The following KCNIP4 variants were observed in gnomAD, a reference collection of about 807,000 sequenced individuals.
KCNIP4 encodes potassium voltage-gated channel interacting protein 4, also known as Kv channel-interacting protein 4.
Under a neutral mutation model 34.0 loss-of-function variants are expected in KCNIP4, and 12 were observed. That is an observed-to-expected ratio of 0.35 (90% CI 0.23 to 0.57). The LOEUF (loss-of-function observed/expected upper bound fraction) is 0.57. KCNIP4 is among the 20% of genes least tolerant of loss of function. The pLI is 0.83. For missense variants in KCNIP4, 238 were observed against 311.7 expected, an observed-to-expected ratio of 0.76 and a Z score of 1.78; for synonymous variants, 124 against 102.2, an observed-to-expected ratio of 1.21 and a Z score of -1.29.
At chr4:20,739,782 TAAC>T (rs1238425875) in intron 5 of KCNIP4, among the ~76,000 whole-genome samples, 4 of 151,994 alleles carry the variant, frequency 2.6e-5, no homozygotes, top group Non-Finnish European at 5.9e-5. Context: ...AGATCAGTAA[TAAC>T]AAACTTCTCC....
chr4:20,854,455 A>C (rs944063933), intron 2 of KCNIP4, among the ~76,000 whole-genome samples: 1 of 152,220 alleles, frequency 6.6e-6, no homozygotes, highest in Non-Finnish European at 1.5e-5. Context: ...ACGCAAAGGC[A>C]TAAGAATGAT....
chr4:21,319,276 G>T (rs145334395), intron 1 of KCNIP4, among the ~76,000 whole-genome samples: 2 of 152,172 alleles, frequency 1.3e-5, no homozygotes. Flanking sequence ...CAGGTACTTG[G>T]ACAAATCATG....
At chr4:21,356,746 G>A (rs903700214) in intron 1 of KCNIP4, among the ~76,000 whole-genome samples, 1 of 152,054 alleles carries the variant, frequency 6.6e-6, no homozygotes, top group African/African-American at 2.4e-5. Flanking sequence ...ACTGCCCAAG[G>A]TCATTTATAG....
chr4:21,120,100 G>A (rs1404403177), intron 1 of KCNIP4, among the ~76,000 whole-genome samples: 1 of 152,190 alleles, frequency 6.6e-6, no homozygotes, highest in Non-Finnish European at 1.5e-5. Context: ...CAACGTGGGG[G>A]AGGGTACTTG....
rs138871931 is a variant in KCNIP4, at chr4:21,634,860, A to AT, written c.61+313710dup. 8.2e-3 allele frequency among the ~76,000 whole-genome samples: 1,251 copies of AT among 152,296 alleles called. 19 individuals are homozygous for AT. The highest frequency in any genetic ancestry group is 0.029 in the African/African-American group (1,199 of 41,568). On this transcript the variant is annotated intron_variant, in intron 1 of 8. Coordinates refer to ENST00000382152, the MANE Select transcript of KCNIP4 (RefSeq NM_025221.6). ...TCACATTTCCCTTTAAAGAACTCAC[A>AT]TTTTATAGTCAATTAATAATCTCCA...
chr4:21,379,878 C>T (rs963348836), intron 1 of KCNIP4, among the ~76,000 whole-genome samples: 2 of 150,500 alleles, frequency 1.3e-5, no homozygotes, highest in Non-Finnish European at 3.0e-5. Context: ...CACCTGCCCA[C>T]CCCCATCACC....
intron 1 of KCNIP4, chr4:21,718,865 G>A (rs1474663165): frequency 2.6e-5 from 4 of 152,048 alleles, no homozygotes; most frequent in African/African-American, 4.8e-5. Flanking sequence ...GACCCTTCAC[G>A]GATCCTCAAG....
At chr4:21,103,896 C>T (rs1219489270) in intron 1 of KCNIP4, among the ~76,000 whole-genome samples, 3 of 151,756 alleles carry the variant, frequency 2.0e-5, no homozygotes, top group African/African-American at 7.3e-5. Flanking sequence ...CATCCATGTC[C>T]CTACGAAGGA....
At chr4:21,019,307 C>T (rs1332458656) in intron 1 of KCNIP4, among the ~76,000 whole-genome samples, 1 of 151,926 alleles carries the variant, frequency 6.6e-6, no homozygotes, top group Non-Finnish European at 1.5e-5. Flanking sequence ...AGGCGCATGC[C>T]ACCACGTCCG....
intron 1 of KCNIP4, chr4:21,316,422 A>G (rs1713765592): frequency 6.6e-6 from 1 of 152,208 alleles, no homozygotes; most frequent in Non-Finnish European, 1.5e-5. Flanking sequence ...CCAAAAGCAT[A>G]ACCCTGCAAC....
rs188744321 is a variant in KCNIP4, at chr4:21,892,667, G to A, written c.61+55904C>T. Reference sequence around the variant, plus strand: ...AACCTCTATAAGTCTTAATTAAGTTGTCTATAAAATAGATGCCAATCAAAA... The same window carrying A: ...AACCTCTATAAGTCTTAATTAAGTTATCTATAAAATAGATGCCAATCAAAA... On this transcript the variant is annotated intron_variant, in intron 1 of 8. Transcript: ENST00000382152. Among the ~76,000 whole-genome samples, 712 of 151,384 alleles carry A rather than the reference G, an allele frequency of 4.7e-3. 1 individual carries two copies. The highest frequency in any genetic ancestry group is 7.4e-3 in the Non-Finnish European group (500 of 67,890).
chr4:21,218,225 G>A lies in KCNIP4; in HGVS notation c.62-335516C>T, dbSNP rs186256447. ...AGACAGAGTTTCACCATGTTGGCCA[G>A]GTTGGTCTCGAACTCCTGACCTCAG... On this transcript the variant is annotated intron_variant, in intron 1 of 8. Coordinates refer to ENST00000382152, the MANE Select transcript of KCNIP4 (RefSeq NM_025221.6). Among the ~76,000 whole-genome samples, 663 of 151,850 alleles carry A rather than the reference G, an allele frequency of 4.4e-3. 3 individuals carry two copies. Among genetic ancestry groups the A allele is most frequent in the African/African-American group, 0.015 (628 of 41,426 alleles).
At chr4:20,953,603 G>A (rs1033919509) in intron 1 of KCNIP4, among the ~76,000 whole-genome samples, 1 of 152,104 alleles carries the variant, frequency 6.6e-6, no homozygotes. Flanking sequence ...GATTGGTTGA[G>A]CCCGGGAGGC....
At chr4:21,605,312 G>T (rs1159343742) in intron 1 of KCNIP4, among the ~76,000 whole-genome samples, 1 of 152,094 alleles carries the variant, frequency 6.6e-6, no homozygotes, top group Non-Finnish European at 1.5e-5. Context: ...AACTTTCCTT[G>T]GAGGCTATAG....
In KCNIP4 at chr4:21,008,476, GAATA is replaced by G. The variant is rs1738757866; in HGVS notation, c.62-125771_62-125768del. ...CAAAATTATTAATACTTATGGATTAGAATAAATGTGACTTCATCTTGCAGCTATG... is the reference window on the plus strand; with the variant it reads ...CAAAATTATTAATACTTATGGATTAGAATGTGACTTCATCTTGCAGCTATG... On this transcript the variant is annotated intron_variant, in intron 1 of 8. Coordinates refer to ENST00000382152, the MANE Select transcript of KCNIP4 (RefSeq NM_025221.6). Among the ~76,000 whole-genome samples the G allele has an allele frequency of 2.0e-5, 3 of 152,192 alleles. No individual in the cohort carries two copies. In the East Asian group the frequency reaches 5.8e-4, roughly 29 times the overall value.
At chr4:20,791,147 T>C (rs1415170640) in intron 3 of KCNIP4, among the ~76,000 whole-genome samples, 4 of 152,036 alleles carry the variant, frequency 2.6e-5, no homozygotes, top group Admixed American at 6.6e-5. Flanking sequence ...TAGAAGACAA[T>C]AGAACAAAAT....
At chr4:21,893,439 T>G (rs1040378275) in intron 1 of KCNIP4, among the ~76,000 whole-genome samples, 1 of 152,192 alleles carries the variant, frequency 6.6e-6, no homozygotes, top group African/African-American at 2.4e-5. Context: ...ACTTATAAAA[T>G]TGCTAGACCT....
At chr4:21,458,326 TCATATTTTATGGCTG>T (rs1729142006) in intron 1 of KCNIP4, among the ~76,000 whole-genome samples, 1 of 151,870 alleles carries the variant, frequency 6.6e-6, no homozygotes, top group Non-Finnish European at 1.5e-5. Context: ...CAGGAACTCA[TCATATTTTATGGCTG>T]CATAGTATTC....
intron 1 of KCNIP4, among the ~76,000 whole-genome samples, chr4:21,048,333 G>C (rs1201350032): frequency 6.6e-6 from 1 of 152,164 alleles, no homozygotes; most frequent in Admixed American, 6.5e-5. Flanking sequence ...AGATGGAAGA[G>C]GCTGTTCACT....
Sources: gnomAD v4.1 joint callset for allele counts (sites outside exome capture counted in the v4.1 genomes callset) on GRCh38, gnomAD v4.1.1 for gene constraint, MANE v1.5 for transcripts, NCBI Gene and HGNC (gene_info 2026-07-23, HGNC 2026-07-21) for gene names.